Variants in ESR1 observed in about 807,000 individuals in gnomAD.
ESR1 encodes estrogen receptor 1.
ESR1 carries 12 observed loss-of-function variants against 52.7 expected under a neutral mutation model. That is an observed-to-expected ratio of 0.23 (90% CI 0.15 to 0.37). The LOEUF (loss-of-function observed/expected upper bound fraction) is 0.37, where lower values mean the gene tolerates loss of function less well. ESR1 is among the 10% of genes least tolerant of loss of function. ESR1 has a pLI of 1.00. For synonymous variants in ESR1, 305 were observed against 316.8 expected (o/e 0.96, Z 0.39); for missense variants, 584 against 779.7 (o/e 0.75, Z 2.99).
chr6:151,947,261 G>A (rs2035808205), intron 4 of ESR1, among the ~76,000 whole-genome samples: 1 of 152,190 alleles, frequency 6.6e-6, no homozygotes, highest in Non-Finnish European at 1.5e-5. Flanking sequence ...AGAGACTGCA[G>A]TGAGCCGAGA....
chr6:151,813,493 C>T (rs1276789250), intron 1 of ESR1: 3 of 152,058 alleles, frequency 2.0e-5, no homozygotes, highest in African/African-American at 7.2e-5. Flanking sequence ...TACAGAAATC[C>T]AATCCTTTAA....
upstream of ESR1, among the ~76,000 whole-genome samples, chr6:151,801,132 G>A (rs1777203871): frequency 6.6e-6 from 1 of 150,884 alleles, no homozygotes; most frequent in Non-Finnish European, 1.5e-5. Context: ...AGTGAATTTA[G>A]GCACAATCTA....
chr6:151,853,187 A>G (rs1787163595), intron 2 of ESR1, among the ~76,000 whole-genome samples: 3 of 147,612 alleles, frequency 2.0e-5, no homozygotes, highest in African/African-American at 7.7e-5. Flanking sequence ...AAAAAAAAAA[A>G]AAAAAAAAAA....
At chr6:152,023,117 A>C (rs1217825918) in intron 5 of ESR1, among the ~76,000 whole-genome samples, 1 of 152,154 alleles carries the variant, frequency 6.6e-6, no homozygotes, top group Non-Finnish European at 1.5e-5. Context: ...TTTTTAGTAA[A>C]GAGGAAGGAG....
intron 4 of ESR1, among the ~76,000 whole-genome samples, chr6:152,008,574 A>G (rs1170636809): frequency 6.6e-6 from 1 of 152,118 alleles, no homozygotes; most frequent in Non-Finnish European, 1.5e-5. Context: ...TCCATTTAAC[A>G]TGTAACGTTC....
chr6:151,810,961 T>A (rs1778741809), intron 1 of ESR1: 2 of 152,348 alleles, frequency 1.3e-5, no homozygotes, highest in South Asian at 4.1e-4. Context: ...GTGTCTTTAG[T>A]CATTTAGGCT....
chr6:151,988,210 C>T (rs1052306966), intron 4 of ESR1, among the ~76,000 whole-genome samples: 5 of 151,990 alleles, frequency 3.3e-5, no homozygotes, highest in Non-Finnish European at 7.4e-5. Context: ...TCAATGGGAG[C>T]CTTGAGCTTC....
intron 1 of ESR1, among the ~76,000 whole-genome samples, chr6:151,820,949 G>A (rs1025554455): frequency 6.6e-6 from 1 of 152,048 alleles, no homozygotes; most frequent in Non-Finnish European, 1.5e-5. Context: ...GTGTAATTTG[G>A]TGCAATCGTC....
intron 1 of ESR1, among the ~76,000 whole-genome samples, chr6:151,674,731 T>A (rs111571357): frequency 6.6e-6 from 1 of 152,194 alleles, no homozygotes; most frequent in African/African-American, 2.4e-5. Flanking sequence ...CTAACTGGCG[T>A]GAGACGGTAT....
chr6:151,735,552 GTTGT>G (rs1782578630), intron 2 of ESR1, among the ~76,000 whole-genome samples: 1 of 151,884 alleles, frequency 6.6e-6, no homozygotes, highest in African/African-American at 2.4e-5. Flanking sequence ...GAGGTACTTG[GTTGT>G]TTGTTTTTGT....
chr6:151,860,448 G>T (rs528716117), intron 2 of ESR1, among the ~76,000 whole-genome samples: 1 of 152,090 alleles, frequency 6.6e-6, no homozygotes, highest in African/African-American at 2.4e-5. Context: ...TGAAATTGTG[G>T]GATATAGGTA....
At chr6:151,750,682 C>T (rs928542110) in intron 2 of ESR1, among the ~76,000 whole-genome samples, 14 of 152,042 alleles carry the variant, frequency 9.2e-5, no homozygotes, top group African/African-American at 3.1e-4. Flanking sequence ...TAAAACAAGA[C>T]CTTTTCAGAC....
In ESR1 at chr6:152,125,252, T is replaced by C. The variant is rs1313430459; in HGVS notation, c.851-14T>C. On this transcript the variant is annotated splice_polypyrimidine_tract_variant and intron_variant, in intron 6 of 6. Coordinates refer to the ESR1 transcript ENST00000427531. ...ATAATGGTAATGGTAATTCAGGTCGTATTCATTTCACAGGTATCTCACATG... is the reference window on the plus strand; with the variant it reads ...ATAATGGTAATGGTAATTCAGGTCGCATTCATTTCACAGGTATCTCACATG... 5.2e-6 allele frequency: 8 copies of C among 1,549,886 alleles called. No individual in the cohort carries two copies. The South Asian group carries it at 8.3e-5, about 16-fold the overall frequency.
At chr6:151,953,449 G>A (rs994136988) in intron 4 of ESR1, among the ~76,000 whole-genome samples, 1 of 152,194 alleles carries the variant, frequency 6.6e-6, no homozygotes, top group African/African-American at 2.4e-5. Context: ...ACCGGCCAGT[G>A]CGGTGGCTCA....
At chr6:151,665,844 C>T (rs893800772) in intron 1 of ESR1, among the ~76,000 whole-genome samples, 11 of 152,204 alleles carry the variant, frequency 7.2e-5, no homozygotes, top group Non-Finnish European at 1.5e-4. Context: ...CTCGAAGAGA[C>T]AGAGACAAGA....
chr6:151,912,287 G>GA (rs1286339867), intron 3 of ESR1, among the ~76,000 whole-genome samples: 4 of 152,180 alleles, frequency 2.6e-5, no homozygotes, highest in African/African-American at 9.7e-5. Flanking sequence ...AAATTCGGTT[G>GA]AAACAGATTT....
At chr6:151,936,318 T>G (rs1211110818) in intron 3 of ESR1, 1 of 152,194 alleles carries the variant, frequency 6.6e-6, no homozygotes, top group South Asian at 2.1e-4. Context: ...AAACTTGCCA[T>G]GTAGGAGAAG....
At chr6:151,790,143 C>T (rs1023380666) in intron 2 of ESR1, among the ~76,000 whole-genome samples, 3 of 152,220 alleles carry the variant, frequency 2.0e-5, no homozygotes, top group Admixed American at 1.3e-4. Context: ...TAGCAACACA[C>T]TTCCTATTGA....
chr6:152,033,251 A>G (rs1290721712), intron 5 of ESR1, among the ~76,000 whole-genome samples: 2 of 152,196 alleles, frequency 1.3e-5, no homozygotes, highest in Non-Finnish European at 2.9e-5. Context: ...CATGTCTAAA[A>G]CACCAAAAGC....
Sources: allele counts gnomAD v4.1 joint callset (sites outside exome capture counted in the v4.1 genomes callset), GRCh38; gene constraint gnomAD v4.1.1; transcripts MANE v1.5; gene names NCBI Gene and HGNC (gene_info 2026-07-23, HGNC 2026-07-21).